Variants in CUX1 observed in about 807,000 individuals in gnomAD.
The protein encoded by CUX1 is cut like homeobox 1.
Under a neutral mutation model 158.8 loss-of-function variants are expected in CUX1, and 31 were observed. The observed-to-expected ratio is 0.20, with a 90% CI of 0.15 to 0.26. The LOEUF (loss-of-function observed/expected upper bound fraction) is 0.26. Among genes scored for constraint, CUX1 ranks in the 10% least tolerant of loss-of-function variants. The pLI is 1.00. For missense variants in CUX1, 1,589 were observed against 2,014.6 expected (o/e 0.79, Z 4.04); for synonymous variants, 879 against 862.1 (o/e 1.02, Z -0.34).
At chr7:102,181,456 T>C (rs781831901) in intron 11 of CUX1, among the ~76,000 whole-genome samples, 6 of 152,244 alleles carry the variant, frequency 3.9e-5, no homozygotes, top group Non-Finnish European at 7.3e-5. Context: ...AGCAAAGCTG[T>C]AGACCTCACA....
rs182462526 is a variant in CUX1 at position 102,051,938 on chromosome 7, G to A, written c.190-18401G>A. Among the ~76,000 whole-genome samples, 60 of 152,238 alleles carry A rather than the reference G, an allele frequency of 3.9e-4. 1 individual carries two copies. Among genetic ancestry groups the A allele is most frequent in the Admixed American group, 2.7e-3 (42 of 15,282 alleles). The stretch of plus-strand genomic sequence containing the variant: ...AAAAGAAACCTCATACTGGCCGGGC[G>A]CGGTGGCTCACATCTGTAATCCCAG... On this transcript the variant is annotated intron_variant, in intron 3 of 23. Transcript: ENST00000292535.
chr7:101,865,214 G>A (rs528009542), intron 1 of CUX1, among the ~76,000 whole-genome samples: 1 of 152,304 alleles, frequency 6.6e-6, no homozygotes, highest in South Asian at 2.1e-4. Context: ...GAACTTCTGT[G>A]GGAGGCCAGG....
intron 15 of CUX1, among the ~76,000 whole-genome samples, chr7:102,273,849 C>T (rs1554546942): frequency 6.6e-6 from 1 of 152,252 alleles, no homozygotes; most frequent in African/African-American, 2.4e-5. Context: ...ACATAAACAG[C>T]CCAGGGAGAG....
chr7:102,023,145 G>T (rs902690646), intron 2 of CUX1, among the ~76,000 whole-genome samples: 5 of 152,146 alleles, frequency 3.3e-5, no homozygotes, highest in African/African-American at 9.7e-5. Flanking sequence ...AACCTGGGGG[G>T]TGGAGGTTGC....
intron 2 of CUX1, among the ~76,000 whole-genome samples, chr7:102,008,850 A>G (rs1288391790): frequency 6.6e-6 from 1 of 152,178 alleles, no homozygotes; most frequent in African/African-American, 2.4e-5. Context: ...GTCTTTTATC[A>G]GGATTTTTGT....
intron 1 of CUX1, among the ~76,000 whole-genome samples, chr7:101,860,938 C>G (rs1177067821): frequency 1.3e-5 from 2 of 152,028 alleles, no homozygotes; most frequent in African/African-American, 2.4e-5. Flanking sequence ...TGTGAGGTTC[C>G]GGGAACACAG....
rs1789889727 is a variant in CUX1, at chr7:102,256,301, G to T, written c.*7259G>T. The T allele has an allele frequency of 4.1e-6, 4 of 985,168 alleles. No homozygotes were observed. In the African/African-American group the frequency reaches 7.0e-5, roughly 17 times the overall value. The allele number at this position is 985,168 out of a possible 1,614,324, so 61.0% of individuals were successfully genotyped here. A position where few individuals can be genotyped will look rare whatever the true frequency, so the allele number is the denominator to read the frequency against. On this transcript the variant is annotated 3_prime_UTR_variant, in exon 24 of 24. Coordinates refer to ENST00000292535, the MANE Select transcript of CUX1 (RefSeq NM_181552.4). ...GCGTGCGTGAGGGTGATTATAAAAG[G>T]ATGTTTCCTTGAGAAAAAAAAAATT...
chr7:102,198,135 C>T (rs1263119712), intron 15 of CUX1, among the ~76,000 whole-genome samples: 1 of 151,980 alleles, frequency 6.6e-6, no homozygotes, highest in Admixed American at 6.6e-5. Context: ...TGGCGTGTAC[C>T]TGTGGTCCCA....
intron 3 of CUX1, among the ~76,000 whole-genome samples, chr7:102,049,605 C>G (rs10245816): frequency 3.3e-5 from 5 of 151,644 alleles, no homozygotes; most frequent in Admixed American, 3.3e-4. Flanking sequence ...ATGGAGAGGC[C>G]GAGGCAGGAG....
chr7:102,279,805 C>T (rs189855750), intron 18 of CUX1, among the ~76,000 whole-genome samples: 25 of 152,328 alleles, frequency 1.6e-4, no homozygotes, highest in African/African-American at 4.6e-4. Flanking sequence ...CATCTGTGCC[C>T]GGAGGCACTG....
In CUX1 at chr7:102,249,303, C is replaced by G. The variant is rs1054842370; in HGVS notation, c.*261C>G. 3.9e-6 allele frequency: 4 copies of G among 1,033,546 alleles called. No individual in the cohort carries two copies. The African/African-American group carries it at 6.9e-5, about 18-fold the overall frequency. 64.0% of individuals were successfully genotyped at this position (1,033,546 alleles called of 1,614,324 possible). A position where few individuals can be genotyped will look rare whatever the true frequency, so the allele number is the denominator to read the frequency against. On this transcript the variant is annotated 3_prime_UTR_variant, in exon 24 of 24. Transcript: ENST00000292535. Reference sequence around the variant, plus strand: ...GCCTCCACCAACCCCGCGGCCCAGACCCAGCCCGCGGCCTGGACCCCTGGA... The same window carrying G: ...GCCTCCACCAACCCCGCGGCCCAGAGCCAGCCCGCGGCCTGGACCCCTGGA...
At chr7:101,898,526 C>T (rs1476363763) in intron 1 of CUX1, among the ~76,000 whole-genome samples, 1 of 151,620 alleles carries the variant, frequency 6.6e-6, no homozygotes, top group Non-Finnish European at 1.5e-5. Flanking sequence ...GTACTTTATT[C>T]ACTGAAGCTG....
intron 2 of CUX1, chr7:101,932,749 G>A: frequency 7.9e-6 from 3 of 381,496 alleles, no homozygotes; most frequent in Admixed American, 3.2e-5. Context: ...CCGCCATCAA[G>A]AAAAAATACT....
chr7:102,002,206 A>C (rs1816764031), intron 2 of CUX1, among the ~76,000 whole-genome samples: 1 of 152,222 alleles, frequency 6.6e-6, no homozygotes, highest in Non-Finnish European at 1.5e-5. Context: ...AGGCTGAGGC[A>C]GGAGGATCTC....
intron 13 of CUX1, 128 bp from the exon 14 acceptor site, chr7:102,195,379 T>G: frequency 1.5e-6 from 1 of 675,784 alleles, no homozygotes; most frequent in Non-Finnish European, 2.4e-6. Flanking sequence ...CGCAGCCCAC[T>G]TCCTAATCAG....
chr7:102,281,425 G>A (rs1208372047), intron 20 of CUX1, among the ~76,000 whole-genome samples: 1 of 151,888 alleles, frequency 6.6e-6, no homozygotes, highest in African/African-American at 2.4e-5. Context: ...CACTTTGGGA[G>A]GCCAAGTTGG....
At chr7:101,984,659 C>T (rs1585176708) in intron 2 of CUX1, among the ~76,000 whole-genome samples, 1 of 151,888 alleles carries the variant, frequency 6.6e-6, no homozygotes, top group South Asian at 2.1e-4. Flanking sequence ...GATGGGCAGT[C>T]GGGAGGGAAC....
In CUX1 at chr7:101,939,058, CATATATATATAT is replaced by C. The variant is rs58303224; in HGVS notation, c.141+22878_141+22889del. Among the ~76,000 whole-genome samples, 320 of 52,564 alleles carry C rather than the reference CATATATATATAT, an allele frequency of 6.1e-3. 1 individual carries two copies. Among genetic ancestry groups the C allele is most frequent in the East Asian group, 0.035 (24 of 694 alleles). 34.5% of individuals were successfully genotyped at this position (52,564 alleles called of 152,430 possible). On this transcript the variant is annotated intron_variant, in intron 2 of 23. Transcript: ENST00000292535. The stretch of plus-strand genomic sequence containing the variant: ...CTCTGTCTCAAAAAAAAAAAAAATA[CATATATATATAT>C]ATATATATATATATATATATATATA...
chr7:102,083,006 T>C (rs1827599298), intron 4 of CUX1, among the ~76,000 whole-genome samples: 1 of 147,344 alleles, frequency 6.8e-6, no homozygotes. Context: ...TGATAAGAAA[T>C]GCCAAGCTGC....
Sources: allele counts gnomAD v4.1 joint callset (sites outside exome capture counted in the v4.1 genomes callset), GRCh38; gene constraint gnomAD v4.1.1; transcripts MANE v1.5; gene names NCBI Gene and HGNC (gene_info 2026-07-23, HGNC 2026-07-21).